MTUS2: variants seen among roughly 807,000 people sequenced by gnomAD.
MTUS2 encodes microtubule associated scaffold protein 2.
MTUS2 carries 40 observed loss-of-function variants against 114.1 expected under a neutral mutation model. That is an observed-to-expected ratio of 0.35 (90% CI 0.27 to 0.46). MTUS2 has a LOEUF of 0.46. Among genes scored for constraint, MTUS2 ranks in the 20% least tolerant of loss-of-function variants. MTUS2 has a pLI of 1.00. For missense variants in MTUS2, 1,679 were observed against 1,705.4 expected, an observed-to-expected ratio of 0.98 and a Z score of 0.27; for synonymous variants, 688 against 672.0, an observed-to-expected ratio of 1.02 and a Z score of -0.37.
chr13:28,939,124 T>A (rs935665892), intron 2 of MTUS2, among the ~76,000 whole-genome samples: 1 of 152,250 alleles, frequency 6.6e-6, no homozygotes, highest in Non-Finnish European at 1.5e-5. Context: ...AACTTTACAA[T>A]GTTTCGCTTT....
rs1883194116 is a variant in MTUS2, at chr13:29,505,692, A to G, written c.*2486A>G. On this transcript the variant is annotated 3_prime_UTR_variant, in exon 16 of 16. Transcript: ENST00000612955. ...TGCAGCCTCTGCACCTGCCTCAGAC[A>G]GACCCACCAGATACCACCTGTCTCT... The G allele has an allele frequency of 4.3e-6, 1 of 229,902 alleles. No individual in the cohort carries two copies. Among genetic ancestry groups the G allele is most frequent in the South Asian group, 1.8e-4 (1 of 5,500 alleles). The allele number at this position is 229,902 out of a possible 1,614,324, so 14.2% of individuals were successfully genotyped here.
chr13:29,123,008 A>G (rs1241513710), intron 5 of MTUS2, among the ~76,000 whole-genome samples: 1 of 152,214 alleles, frequency 6.6e-6, no homozygotes, highest in Non-Finnish European at 1.5e-5. Flanking sequence ...GTGTTTAATA[A>G]TTGGAAATAA....
intron 4 of MTUS2, among the ~76,000 whole-genome samples, chr13:29,037,443 A>AT (rs1887134530): frequency 6.6e-6 from 1 of 151,864 alleles, no homozygotes; most frequent in African/African-American, 2.4e-5. Flanking sequence ...TGCCCTTAAC[A>AT]TTTTTTCCTT....
chr13:29,048,348 C>T (rs326517), intron 4 of MTUS2, among the ~76,000 whole-genome samples: 56,433 of 152,156 alleles, frequency 0.37, 10,651 homozygotes, highest in Admixed American at 0.41. Flanking sequence ...ATTTCTTGGT[C>T]AGTTTCAATT....
At chr13:29,155,206 C>T (rs750680275) in intron 5 of MTUS2, among the ~76,000 whole-genome samples, 9 of 152,168 alleles carry the variant, frequency 5.9e-5, no homozygotes, top group Non-Finnish European at 7.3e-5. Context: ...TCTCCGATAG[C>T]GCTAAGCATG....
chr13:28,903,363 G>T (rs1593285998), intron 2 of MTUS2, among the ~76,000 whole-genome samples: 1 of 151,054 alleles, frequency 6.6e-6, no homozygotes, highest in Admixed American at 6.6e-5. Context: ...GCTGCACCCA[G>T]TAACTCATCA....
chr13:29,393,959 G>A (rs776032849), intron 8 of MTUS2, among the ~76,000 whole-genome samples: 2 of 152,178 alleles, frequency 1.3e-5, no homozygotes, highest in Non-Finnish European at 2.9e-5. Context: ...ATCTCAGTGA[G>A]CAGAGGTATG....
intron 9 of MTUS2, among the ~76,000 whole-genome samples, chr13:29,445,811 G>C (rs1447284307): frequency 2.0e-5 from 3 of 152,202 alleles, no homozygotes; most frequent in African/African-American, 7.2e-5. Flanking sequence ...GGGAGGCTGA[G>C]GCAGGAGAAT....
intron 8 of MTUS2, among the ~76,000 whole-genome samples, chr13:29,389,243 A>ATATATGTATACACATGTGTGTATATATG (rs1555272308): frequency 1.1e-4 from 13 of 121,950 alleles, no homozygotes; most frequent in South Asian, 1.0e-3. Context: ...GTATGTGTGT[A>ATATATGTATACACATGTGTGTATATATG]TATATATGTA....
At chr13:29,088,488 G>A (rs1013544415) in intron 4 of MTUS2, among the ~76,000 whole-genome samples, 2 of 152,240 alleles carry the variant, frequency 1.3e-5, no homozygotes, top group African/African-American at 4.8e-5. Flanking sequence ...ATGCCTGTTA[G>A]GTCCATTTGT....
intron 5 of MTUS2, among the ~76,000 whole-genome samples, chr13:29,172,136 A>C (rs1014990389): frequency 6.6e-6 from 1 of 152,202 alleles, no homozygotes; most frequent in African/African-American, 2.4e-5. Context: ...AACAACAACT[A>C]TTTGTAGGAG....
chr13:29,119,079 T>C (rs1370025772), intron 5 of MTUS2, among the ~76,000 whole-genome samples: 22 of 152,184 alleles, frequency 1.4e-4, no homozygotes. Flanking sequence ...ACAAGATACG[T>C]TTTCTATGTA....
intron 5 of MTUS2, among the ~76,000 whole-genome samples, chr13:29,278,093 G>A (rs1254381431): frequency 1.3e-5 from 2 of 152,148 alleles, no homozygotes; most frequent in African/African-American, 4.8e-5. Flanking sequence ...ATACAGGCCT[G>A]GGACAGCGGG....
intron 4 of MTUS2, among the ~76,000 whole-genome samples, chr13:29,077,220 T>G (rs1429982334): frequency 6.6e-6 from 1 of 152,158 alleles, no homozygotes; most frequent in East Asian, 1.9e-4. Flanking sequence ...TTAAAGAGGT[T>G]TGTCCCAGTG....
intron 4 of MTUS2, among the ~76,000 whole-genome samples, chr13:29,035,552 A>G (rs1224042035): frequency 6.6e-6 from 1 of 152,210 alleles, no homozygotes; most frequent in African/African-American, 2.4e-5. Flanking sequence ...TGGTGCCTCC[A>G]TCTTCAACTT....
chr13:29,422,136 C>T (rs1011275743), intron 8 of MTUS2, among the ~76,000 whole-genome samples: 5 of 152,226 alleles, frequency 3.3e-5, no homozygotes, highest in Admixed American at 3.3e-4. Context: ...GGTTATCACA[C>T]AAGCCTGAAG....
At chr13:29,465,835 G>A (rs1326278364) in intron 9 of MTUS2, among the ~76,000 whole-genome samples, 3 of 152,196 alleles carry the variant, frequency 2.0e-5, no homozygotes, top group Non-Finnish European at 2.9e-5. Flanking sequence ...GTTAAAGGTC[G>A]CTTCTCTAAA....
chr13:29,391,710 TA>T (rs1275144054), intron 8 of MTUS2, among the ~76,000 whole-genome samples: 1 of 151,452 alleles, frequency 6.6e-6, no homozygotes, highest in Non-Finnish European at 1.5e-5. Context: ...AATAAGTAAA[TA>T]AAAACTAAAC....
At chr13:29,259,282 C>G (rs1049787568) in intron 5 of MTUS2, among the ~76,000 whole-genome samples, 1 of 152,134 alleles carries the variant, frequency 6.6e-6, no homozygotes, top group African/African-American at 2.4e-5. Context: ...GGGTGGCTCC[C>G]TCATGATCAA....
Sources: allele counts gnomAD v4.1 joint callset (sites outside exome capture counted in the v4.1 genomes callset), GRCh38; gene constraint gnomAD v4.1.1; transcripts MANE v1.5; gene names NCBI Gene and HGNC (gene_info 2026-07-23, HGNC 2026-07-21).